The following TSC2 variants were observed in gnomAD, a reference collection of about 807,000 sequenced individuals.
TSC2 encodes the protein tuberin.
In TSC2, 29 loss-of-function variants were observed where a neutral mutation model predicts 202.2. The observed-to-expected ratio is 0.14, with a 90% confidence interval of 0.11 to 0.20. TSC2 has a LOEUF of 0.20. Ranked by LOEUF, TSC2 falls within the 10% of genes least tolerant of loss-of-function variation. The pLI is 1.00. For synonymous variants in TSC2, 1,349 were observed against 1,044.0 expected (o/e 1.29, Z -5.63); for missense variants, 2,429 against 2,420.0 (o/e 1.00, Z -0.08).
In TSC2 at chr16:2,083,500, C is replaced by A. The variant is rs1307007751; in HGVS notation, c.3884-195C>A. The A allele has an allele frequency of 6.5e-6, 6 of 926,510 alleles. No individual in the cohort carries two copies. The South Asian group carries it at 7.1e-5, about 11-fold the overall frequency. The allele number at this position is 926,510 out of a possible 1,614,324, so 57.4% of individuals were successfully genotyped here. ...CCCCGGGCACTCATGCAGGAGAGGC[C>A]TGTGTCGGGGTCACGTGCAGGCCTT... On this transcript the variant is annotated intron_variant, in intron 32 of 41. Transcript: ENST00000219476.
At chr16:2,082,127 C>T (rs1284038809) in intron 31 of TSC2, 5 of 588,886 alleles carry the variant, frequency 8.5e-6, no homozygotes, top group Admixed American at 6.0e-5. Context: ...GTTTGGACAC[C>T]TGAGCCCGCC....
At position 2,078,848 on chromosome 16, in the gene TSC2, G is replaced by A. The variant is rs146142131; in HGVS notation, c.2967-184G>A. 6.4e-4 allele frequency: 469 copies of A among 736,950 alleles called. 1 individual carries two copies. The East Asian group carries it at 8.7e-3, about 14-fold the overall frequency. The allele number at this position is 736,950 out of a possible 1,614,324, so 45.7% of individuals were successfully genotyped here. On this transcript the variant is annotated intron_variant, in intron 26 of 41. Transcript: ENST00000219476. ...GGTCTTCCCCACCCAGCGTCTCCCC[G>A]TTCTCTGGGACAATGTGGTCCACGT...
intron 30 of TSC2, chr16:2,080,819 T>A (rs1309439274): frequency 5.2e-6 from 1 of 191,518 alleles, no homozygotes; most frequent in Non-Finnish European, 1.1e-5. Flanking sequence ...AGAGGTGAGC[T>A]GTGAGGGGCG....
intron 4 of TSC2, chr16:2,053,956 C>G (rs2085447261): frequency 1.6e-5 from 7 of 448,854 alleles, no homozygotes; most frequent in South Asian, 1.4e-4. Context: ...GTTTCCCCCA[C>G]TCAGGCCTTG....
At chr16:2,082,660 T>G in intron 32 of TSC2, 156 bp downstream of exon 32, 1 of 845,436 alleles carries the variant, frequency 1.2e-6, no homozygotes, top group Non-Finnish European at 1.9e-6. Context: ...GTGCAGAATG[T>G]CTTTGGCTTG....
At chr16:2,070,145 C>T (rs1400539239) in intron 16 of TSC2, among the ~76,000 whole-genome samples, 2 of 152,114 alleles carry the variant, frequency 1.3e-5, no homozygotes, top group African/African-American at 4.8e-5. Context: ...GCTGCCTACA[C>T]CTGGGATCGC....
At chr16:2,084,800 G>T (rs2090560212) in intron 34 of TSC2, 85 bp downstream of exon 34, 1 of 1,598,780 alleles carries the variant, frequency 6.3e-7, no homozygotes, top group Admixed American at 1.7e-5. Flanking sequence ...GAGCGGGCTG[G>T]GGTGGGGTCC....
At chr16:2,084,841 C>T (rs1286925554) in intron 34 of TSC2, 110 bp from the exon 35 acceptor site, 1 of 1,600,802 alleles carries the variant, frequency 6.2e-7, no homozygotes, top group Non-Finnish European at 8.5e-7. Flanking sequence ...GCTGGAACCC[C>T]TGGGAGGGCG....
chr16:2,088,110 G>A lies in TSC2; in HGVS notation c.5131G>A (p.Val1711Met), dbSNP rs139779505. ...KIVSDRNLPF[V>M]ARQMALHANM... ...CGTGTCTGACCGCAACCTGCCCTTC[G>A]TGGCCCGCCAGATGGCCCTGCACGC... Residue 1711 changes from valine (V) to methionine (M), a missense_variant, in exon 40 of 42, where the codon GTG (valine) becomes ATG (methionine). Coordinates refer to ENST00000219476, the MANE Select transcript of TSC2 (RefSeq NM_000548.5). The A allele has an allele frequency of 2.0e-4, 325 of 1,612,958 alleles. 1 individual carries two copies. Among genetic ancestry groups the A allele is most frequent in the African/African-American group, 1.5e-3 (110 of 75,054 alleles).
intron 30 of TSC2, 65 bp downstream of exon 30, chr16:2,080,442 A>G: frequency 1.3e-6 from 2 of 1,574,002 alleles, no homozygotes; most frequent in Non-Finnish European, 1.7e-6. Context: ...GTGGACACTC[A>G]GGGGCGATTG....
chr16:2,088,130 G>A lies in TSC2; in HGVS notation c.5151G>A (p.Leu1717=), dbSNP rs1159550965. Residue 1717 remains leucine, a synonymous_variant, in exon 40 of 42, where the codon CTG becomes CTA. Transcript: ENST00000219476. ...NLPFVARQMA[L]HANMASQVHH... is the part of the protein sequence containing the mutation. The stretch of plus-strand genomic sequence containing the variant: ...CCTTCGTGGCCCGCCAGATGGCCCT[G>A]CACGCAAATGTGAGTGGGGGTGGGT... 2 of 1,612,966 alleles carry A rather than the reference G, an allele frequency of 1.2e-6. No homozygotes were observed. Among genetic ancestry groups the A allele is most frequent in the Admixed American group, 3.3e-5 (2 of 60,032 alleles).
rs2089968510 is a variant in TSC2, at chr16:2,080,274, C to T, written c.3507C>T (p.Ala1169=). 1 of 1,612,980 alleles carries T rather than the reference C, an allele frequency of 6.2e-7. No homozygotes were observed. Among genetic ancestry groups the T allele is most frequent in the African/African-American group, 1.3e-5 (1 of 75,064 alleles). Residue 1169 remains alanine (A), a synonymous_variant, in exon 30 of 42, where the codon GCC becomes GCT. Transcript: ENST00000219476. Reference sequence around the variant, plus strand: ...CACCAGCCGCGAAACCTGAGAAGGCCTCAGCTGGCACCCGGGTTCCTGTGC... The same window carrying T: ...CACCAGCCGCGAAACCTGAGAAGGCTTCAGCTGGCACCCGGGTTCCTGTGC... ...RTAPAAKPEK[A]SAGTRVPVQE...
At position 2,082,718 on chromosome 16, in the gene TSC2, C is replaced by G. The variant is rs1023450685; in HGVS notation, c.3883+214C>G. The G allele has an allele frequency of 1.5e-4, 94 of 637,858 alleles. No individual in the cohort carries two copies. The South Asian group carries it at 1.6e-3, about 11-fold the overall frequency. The allele number at this position is 637,858 out of a possible 1,614,324, so 39.5% of individuals were successfully genotyped here. On this transcript the variant is annotated intron_variant, in intron 32 of 41. Transcript: ENST00000219476. ...GGTCCCTTTGTGGCTGAGCCCTGTT[C>G]CCACGCTGTGCGAGCACTCCCGGCC...
intron 4 of TSC2, chr16:2,053,975 C>G: frequency 2.1e-6 from 1 of 465,266 alleles, no homozygotes; most frequent in South Asian, 2.0e-5. Flanking sequence ...TGTCCTCAGT[C>G]TCTGAGCACA....
intron 2 of TSC2, among the ~76,000 whole-genome samples, chr16:2,049,551 G>A (rs923893772): frequency 5.9e-5 from 9 of 152,138 alleles, no homozygotes; most frequent in African/African-American, 2.2e-4. Context: ...CTGGCTGGGT[G>A]CGGTGGCTCA....
intron 1 of TSC2, 191 bp from the exon 2 acceptor site, chr16:2,048,396 G>C: frequency 2.3e-6 from 2 of 854,214 alleles, no homozygotes; most frequent in Non-Finnish European, 3.9e-6. Context: ...ACCAGGCCTG[G>C]TGTCTCCCGG....
chr16:2,082,346 C>A (rs1484387751), intron 31 of TSC2, 90 bp from the exon 32 acceptor site: 28 of 1,483,474 alleles, frequency 1.9e-5, no homozygotes, highest in Non-Finnish European at 2.5e-5. Flanking sequence ...TGCCCTCTCT[C>A]CTCTGCAGGC....
Position 2,048,619 on chromosome 16 carries a change from G to T in TSC2, c.4G>T (p.Ala2Ser), listed in dbSNP as rs769400464. 6.2e-7 allele frequency: 1 copy of T among 1,613,890 alleles called. No homozygotes were observed. Among genetic ancestry groups the T allele is most frequent in the Non-Finnish European group, 8.5e-7 (1 of 1,180,034 alleles). MAKPTSKDSGLK... is the reference protein window; with the variant it reads MSKPTSKDSGLK... ...TTCTGGTGCGTCCTGGTCCACCATG[G>T]CCAAACCAACAAGCAAAGATTCAGG... Residue 2 changes from alanine to serine, a missense_variant, in exon 2 of 42, where the codon GCC (alanine) becomes TCC (serine). Ala to Ser is a moderately conservative substitution (Grantham distance 99, BLOSUM62 1). Transcript: ENST00000219476.
chr16:2,086,131 C>T (rs775410751), intron 36 of TSC2, 62 bp from the exon 37 acceptor site: 388 of 1,602,566 alleles, frequency 2.4e-4, no homozygotes, highest in Non-Finnish European at 3.1e-4. Flanking sequence ...GCACCCCCAC[C>T]CTCTGCGGGG....
Sources: allele counts gnomAD v4.1 joint callset (sites outside exome capture counted in the v4.1 genomes callset), GRCh38; gene constraint gnomAD v4.1.1; transcripts MANE v1.5; gene names NCBI Gene and HGNC (gene_info 2026-07-23, HGNC 2026-07-21).